The following TLCD3A variants were observed in gnomAD, a reference collection of about 807,000 sequenced individuals.
The protein encoded by TLCD3A is TLC domain-containing protein 3A.
In TLCD3A, 17 loss-of-function variants were observed where a neutral mutation model predicts 29.9. That is an observed-to-expected ratio of 0.57 (90% CI 0.39 to 0.85). The LOEUF (loss-of-function observed/expected upper bound fraction) is 0.85, where lower values mean the gene tolerates loss of function less well. Among genes scored for constraint, TLCD3A ranks in the 40% least tolerant of loss-of-function variants. The pLI is 0.00. For missense variants in TLCD3A, 332 were observed against 350.8 expected, an observed-to-expected ratio of 0.95 and a Z score of 0.43; for synonymous variants, 143 against 147.7, an observed-to-expected ratio of 0.97 and a Z score of 0.23.
At chr17:738,595 CAG>C (rs750871706) in intron 3 of TLCD3A, among the ~76,000 whole-genome samples, 2 of 152,122 alleles carry the variant, frequency 1.3e-5, no homozygotes, top group Admixed American at 6.5e-5. Context: ...TTTTTTGAGA[CAG>C]GGTTTCACTC....
At chr17:741,070 C>T (rs1017271809) in intron 4 of TLCD3A, among the ~76,000 whole-genome samples, 1 of 152,228 alleles carries the variant, frequency 6.6e-6, no homozygotes, top group South Asian at 2.1e-4. Context: ...TTCAAAATCA[C>T]TATTGGAGAA....
intron 2 of TLCD3A, 138 bp from the exon 3 acceptor site, chr17:737,708 T>C: frequency 2.3e-6 from 2 of 858,184 alleles, no homozygotes; most frequent in Non-Finnish European, 3.8e-6. Context: ...TGGTCTACTC[T>C]CCCTGTTTAT....
At chr17:734,516 G>A (rs889257980) in intron 2 of TLCD3A, among the ~76,000 whole-genome samples, 7 of 151,820 alleles carry the variant, frequency 4.6e-5, no homozygotes, top group Non-Finnish European at 8.8e-5. Context: ...GTCTCCCTGC[G>A]TTGCCCAGGC....
Position 741,822 on chromosome 17 carries a change from G to A in TLCD3A, c.*252G>A. The A allele has an allele frequency of 1.9e-6, 1 of 535,038 alleles. No homozygotes were observed. Among genetic ancestry groups the A allele is most frequent in the African/African-American group, 1.9e-5 (1 of 52,658 alleles). 33.1% of individuals were successfully genotyped at this position (535,038 alleles called of 1,614,324 possible). On this transcript the variant is annotated 3_prime_UTR_variant, in exon 5 of 5. Coordinates refer to ENST00000308278, the MANE Select transcript of TLCD3A (RefSeq NM_024792.3). Reference sequence around the variant, plus strand: ...AAAGTGGTTTTAATGCAAGCCCAAGGATCCTTCTTAAGGTCTTATCTCAAG... The same window carrying A: ...AAAGTGGTTTTAATGCAAGCCCAAGAATCCTTCTTAAGGTCTTATCTCAAG...
chr17:739,690 T>G (rs1443479380), intron 3 of TLCD3A, among the ~76,000 whole-genome samples: 1 of 152,204 alleles, frequency 6.6e-6, no homozygotes, highest in Non-Finnish European at 1.5e-5. Context: ...GCTATTAGTC[T>G]TATGCTGTAG....
chr17:735,118 G>C (rs911544557), intron 2 of TLCD3A, among the ~76,000 whole-genome samples: 1 of 152,148 alleles, frequency 6.6e-6, no homozygotes, highest in Non-Finnish European at 1.5e-5. Context: ...CACCTCCCAG[G>C]TTCAAGTGAT....
intron 4 of TLCD3A, among the ~76,000 whole-genome samples, chr17:740,880 G>T (rs958212382): frequency 6.6e-6 from 1 of 152,192 alleles, no homozygotes; most frequent in Non-Finnish European, 1.5e-5. Context: ...CAGGAGAGTG[G>T]GATGAGAGAT....
At position 732,924 on chromosome 17, in the gene TLCD3A, G is replaced by A. The variant is rs978723215; in HGVS notation, c.122+155G>A. The stretch of plus-strand genomic sequence containing the variant: ...GCCCGAGTTTCCGAAGCCCCTCCGC[G>A]TCCTCCCCTGGCGGGAGCGGGGCCG... On this transcript the variant is annotated intron_variant, in intron 1 of 4. Transcript: ENST00000308278. The A allele has an allele frequency of 4.4e-6, 6 of 1,360,494 alleles. No homozygotes were observed. The African/African-American group carries it at 7.7e-5, about 17-fold the overall frequency. 84.3% of individuals were successfully genotyped at this position (1,360,494 alleles called of 1,614,324 possible). A position where few individuals can be genotyped will look rare whatever the true frequency, so the allele number is the denominator to read the frequency against.
At chr17:733,002 T>G (rs1974096963) in intron 1 of TLCD3A, 96 bp from the exon 2 acceptor site, 2 of 1,454,922 alleles carry the variant, frequency 1.4e-6, no homozygotes, top group Non-Finnish European at 1.9e-6. Flanking sequence ...CACATCTGCC[T>G]GCGGCTGGGG....
At chr17:740,929 A>G (rs1293413571) in intron 4 of TLCD3A, among the ~76,000 whole-genome samples, 1 of 152,206 alleles carries the variant, frequency 6.6e-6, no homozygotes, top group East Asian at 1.9e-4. Context: ...CATCTCAGCC[A>G]GTGGGGGTGA....
chr17:737,386 G>A lies in TLCD3A; in HGVS notation c.207-460G>A, dbSNP rs545937602. Among the ~76,000 whole-genome samples the A allele has an allele frequency of 2.0e-5, 3 of 152,208 alleles. No homozygotes were observed. In the East Asian group the frequency reaches 5.8e-4, roughly 29 times the overall value. Reference sequence around the variant, plus strand: ...ATAGAGTGGGGTTGCATGCAGACAAGAGAAAACTCACAGGTTCCAGGATTT... The same window carrying A: ...ATAGAGTGGGGTTGCATGCAGACAAAAGAAAACTCACAGGTTCCAGGATTT... On this transcript the variant is annotated intron_variant, in intron 2 of 4. Coordinates refer to ENST00000308278, the MANE Select transcript of TLCD3A (RefSeq NM_024792.3).
At chr17:733,362 G>GA (rs1974106509) in intron 2 of TLCD3A, among the ~76,000 whole-genome samples, 181 bp downstream of exon 2, 2 of 152,366 alleles carry the variant, frequency 1.3e-5, no homozygotes, top group African/African-American at 4.8e-5. Flanking sequence ...CCACGGAAAT[G>GA]AGGGAGGACG....
intron 3 of TLCD3A, 78 bp from the exon 4 acceptor site, chr17:740,427 A>T: frequency 9.4e-7 from 1 of 1,058,260 alleles, no homozygotes; most frequent in Non-Finnish European, 1.5e-6. Flanking sequence ...TACCCTTTTC[A>T]GTAGCCCTCG....
chr17:734,237 T>C (rs1455956827), intron 2 of TLCD3A, among the ~76,000 whole-genome samples: 1 of 152,070 alleles, frequency 6.6e-6, no homozygotes, highest in Non-Finnish European at 1.5e-5. Context: ...CAGGCTGGTC[T>C]TGAACTCCTG....
intron 3 of TLCD3A, among the ~76,000 whole-genome samples, chr17:739,171 G>C (rs946447054): frequency 1.3e-5 from 2 of 148,262 alleles, no homozygotes; most frequent in Non-Finnish European, 3.0e-5. Flanking sequence ...GGGAAGGCAT[G>C]CGTTTTTTTT....
At position 741,519 on chromosome 17, in the gene TLCD3A, C is replaced by T. The variant is rs2144124869; in HGVS notation, c.723C>T (p.Cys241=). 1 of 1,614,064 alleles carries T rather than the reference C, an allele frequency of 6.2e-7. No individual in the cohort carries two copies. Among genetic ancestry groups the T allele is most frequent in the East Asian group, 2.2e-5 (1 of 44,886 alleles). ...AGATCTACTGGTTCTGTCTGCTGTG[C>T]AGGAAGGCAGTCCGGCTCTTTGACA... ...APQIYWFCLL[C]RKAVRLFDTP... The change falls in exon 5 of 5, where the codon TGC becomes TGT. Residue 241 remains cysteine, a synonymous_variant. Transcript: ENST00000308278.
intron 2 of TLCD3A, 27 bp downstream of exon 2, chr17:733,208 G>C: frequency 5.3e-6 from 8 of 1,512,270 alleles, no homozygotes; most frequent in African/African-American, 1.4e-5. Context: ...GGGCCTTGTT[G>C]CAAATGTCAC....
At chr17:736,789 G>A (rs1974161266) in intron 2 of TLCD3A, among the ~76,000 whole-genome samples, 1 of 151,724 alleles carries the variant, frequency 6.6e-6, no homozygotes, top group Admixed American at 6.6e-5. Context: ...CCAAGTAGCT[G>A]GGAGTACAGG....
rs778751666 is a variant in TLCD3A at position 738,035 on chromosome 17, G to A, written c.396G>A (p.Val132=). The A allele has an allele frequency of 6.2e-7, 1 of 1,603,536 alleles. No homozygotes were observed. The highest frequency in any genetic ancestry group is 1.1e-5 in the South Asian group (1 of 90,856). ...ATGCGGTCATTCTCTTTGTCCTTGT[G>A]CCAGTCGCACAGGTATGGCCTTCCA... is the stretch of plus-strand genomic sequence containing the variant. The part of the protein sequence containing the change: ...THHAVILFVL[V]PVAQRLRGDL... The change falls in exon 3 of 5, where the codon GTG becomes GTA. Residue 132 remains valine, a synonymous_variant. Transcript: ENST00000308278.
Sources: allele counts gnomAD v4.1 joint callset (sites outside exome capture counted in the v4.1 genomes callset), GRCh38; gene constraint gnomAD v4.1.1; transcripts MANE v1.5; gene names NCBI Gene and HGNC (gene_info 2026-07-23, HGNC 2026-07-21).